Variants in MACROD2 observed in about 807,000 individuals in gnomAD.
MACROD2 encodes the protein mono-ADP ribosylhydrolase 2.
In MACROD2, 36 loss-of-function variants were observed where a neutral mutation model predicts 70.4. That is an observed-to-expected ratio of 0.51 (90% CI 0.39 to 0.68). MACROD2 has a LOEUF of 0.68. Ranked by LOEUF, MACROD2 falls within the 30% of genes least tolerant of loss-of-function variation. The pLI is 0.00. For synonymous variants in MACROD2, 172 were observed against 178.8 expected (o/e 0.96, Z 0.30); for missense variants, 496 against 538.4 (o/e 0.92, Z 0.78).
chr20:14,752,696 A>G (rs931368917), intron 5 of MACROD2, among the ~76,000 whole-genome samples: 8 of 152,068 alleles, frequency 5.3e-5, no homozygotes, highest in African/African-American at 7.3e-5. Flanking sequence ...TGACAGACCT[A>G]TATGCATTTT....
intron 8 of MACROD2, among the ~76,000 whole-genome samples, chr20:15,673,867 T>G (rs1400188812): frequency 6.6e-6 from 1 of 152,122 alleles, no homozygotes; most frequent in Non-Finnish European, 1.5e-5. Flanking sequence ...GTTCCACGTC[T>G]GCCCTGTCCA....
At chr20:14,005,486 A>G (rs759640277) in intron 2 of MACROD2, among the ~76,000 whole-genome samples, 2 of 152,004 alleles carry the variant, frequency 1.3e-5, no homozygotes, top group African/African-American at 4.8e-5. Flanking sequence ...TGTCTCTCCT[A>G]TTGTACTGTC....
Position 14,071,486 on chromosome 20 carries a change from T to A in MACROD2, c.164-14135T>A, listed in dbSNP as rs569079237. Among the ~76,000 whole-genome samples the A allele has an allele frequency of 2.4e-3, 358 of 152,086 alleles. 2 individuals are homozygous for A. The highest frequency in any genetic ancestry group is 6.8e-3 in the Middle Eastern group (2 of 294). On this transcript the variant is annotated intron_variant, in intron 2 of 17. Coordinates refer to ENST00000684519, the MANE Select transcript of MACROD2 (RefSeq NM_001351661.2). ...CATGTTAGCCAGGATGGTCTCCGTT[T>A]CCTGACCTCGTGATCCACCTACCTC...
chr20:14,119,420 TCAGCCTCC>T (rs1285736064), intron 3 of MACROD2, among the ~76,000 whole-genome samples: 1 of 152,116 alleles, frequency 6.6e-6, no homozygotes, highest in Non-Finnish European at 1.5e-5. Flanking sequence ...TCCACCTACC[TCAGCCTCC>T]CAAAGTGCTG....
chr20:15,541,925 A>T (rs2047962228), intron 8 of MACROD2, among the ~76,000 whole-genome samples: 1 of 152,196 alleles, frequency 6.6e-6, no homozygotes, highest in East Asian at 1.9e-4. Flanking sequence ...TAAGAAGCAC[A>T]AATGATGCCA....
intron 5 of MACROD2, among the ~76,000 whole-genome samples, chr20:14,858,800 AC>A (rs1476136520): frequency 6.6e-6 from 1 of 152,124 alleles, no homozygotes; most frequent in African/African-American, 2.4e-5. Context: ...ATGTTTTCAA[AC>A]CTGTGTGAGC....
At chr20:15,474,406 G>A (rs574527190) in intron 7 of MACROD2, among the ~76,000 whole-genome samples, 10 of 152,268 alleles carry the variant, frequency 6.6e-5, no homozygotes, top group South Asian at 2.1e-4. Context: ...ACATCTGAGC[G>A]GGGATAGTGT....
chr20:14,522,116 C>T lies in MACROD2; in HGVS notation c.301+28608C>T, dbSNP rs757753243. Among the ~76,000 whole-genome samples, 7 of 152,278 alleles carry T rather than the reference C, an allele frequency of 4.6e-5. 1 individual carries two copies. Among genetic ancestry groups the T allele is most frequent in the Admixed American group, 1.3e-4 (2 of 15,296 alleles). On this transcript the variant is annotated intron_variant, in intron 4 of 17. Transcript: ENST00000684519. ...CTGAGTTCTAATCCGAGCAGCTCTTCTTCTGTCTGGTTTACATATTCATCT... is the reference window on the plus strand; with the variant it reads ...CTGAGTTCTAATCCGAGCAGCTCTTTTTCTGTCTGGTTTACATATTCATCT...
intron 8 of MACROD2, among the ~76,000 whole-genome samples, chr20:15,792,748 C>T (rs1285842212): frequency 6.6e-6 from 1 of 152,150 alleles, no homozygotes; most frequent in East Asian, 1.9e-4. Context: ...CTTTGTCAGA[C>T]ATTTAGGTCA....
chr20:14,258,683 T>G (rs1352499521), intron 3 of MACROD2, among the ~76,000 whole-genome samples: 1 of 152,206 alleles, frequency 6.6e-6, no homozygotes, highest in Admixed American at 6.5e-5. Context: ...CTGCTAATTG[T>G]TTCTTTTGCT....
intron 3 of MACROD2, among the ~76,000 whole-genome samples, chr20:14,487,285 C>G (rs972213037): frequency 1.3e-5 from 2 of 152,152 alleles, no homozygotes; most frequent in Non-Finnish European, 2.9e-5. Flanking sequence ...TTTTACTCCT[C>G]TCAGCAAACC....
rs1568840094 is a variant in MACROD2, at chr20:14,862,380, T to TAA, written c.418+177422_418+177423insAA. ...ATATATAAATATATATAAATATATA[T>TAA]ATAAATATATATAAATATATATATA... On this transcript the variant is annotated intron_variant, in intron 5 of 17. Transcript: ENST00000684519. Among the ~76,000 whole-genome samples, 2 of 15,086 alleles carry TAA rather than the reference T, an allele frequency of 1.3e-4. 1 individual carries two copies. Among genetic ancestry groups the TAA allele is most frequent in the Non-Finnish European group, 1.9e-4 (2 of 10,640 alleles). 9.9% of individuals were successfully genotyped at this position (15,086 alleles called of 152,430 possible).
intron 4 of MACROD2, among the ~76,000 whole-genome samples, chr20:14,555,317 A>C (rs183462463): frequency 1.8e-4 from 28 of 152,214 alleles, no homozygotes; most frequent in African/African-American, 6.7e-4. Flanking sequence ...AGTAGAATAT[A>C]TTCTTTTAAA....
intron 2 of MACROD2, among the ~76,000 whole-genome samples, chr20:14,048,268 A>G (rs1208621785): frequency 6.6e-6 from 1 of 152,190 alleles, no homozygotes; most frequent in Non-Finnish European, 1.5e-5. Context: ...CAGGGAAGAA[A>G]TGTAACAATA....
At chr20:14,245,969 A>G (rs1568518160) in intron 3 of MACROD2, among the ~76,000 whole-genome samples, 1 of 152,194 alleles carries the variant, frequency 6.6e-6, no homozygotes, top group Non-Finnish European at 1.5e-5. Context: ...GTATTGTTTT[A>G]TCTCAGGCTA....
At chr20:14,948,641 G>A (rs2074451852) in intron 5 of MACROD2, among the ~76,000 whole-genome samples, 1 of 152,154 alleles carries the variant, frequency 6.6e-6, no homozygotes, top group African/African-American at 2.4e-5. Flanking sequence ...GGTACTGCAA[G>A]CTCTAAAATA....
intron 4 of MACROD2, among the ~76,000 whole-genome samples, chr20:14,625,951 T>C (rs1188252192): frequency 2.0e-5 from 3 of 152,092 alleles, no homozygotes; most frequent in Non-Finnish European, 4.4e-5. Flanking sequence ...ACCTGCTGAG[T>C]AGCTGGGATT....
intron 5 of MACROD2, among the ~76,000 whole-genome samples, chr20:15,225,516 T>A (rs960611677): frequency 6.6e-6 from 1 of 152,244 alleles, no homozygotes; most frequent in Non-Finnish European, 1.5e-5. Flanking sequence ...CCACTCTTAT[T>A]AACTGCTAGT....
chr20:14,166,348 G>A (rs1304089232), intron 3 of MACROD2, among the ~76,000 whole-genome samples: 1 of 151,946 alleles, frequency 6.6e-6, no homozygotes, highest in Non-Finnish European at 1.5e-5. Flanking sequence ...TGTGTGTTGT[G>A]TGTGTGTGTT....
Sources: allele counts gnomAD v4.1 joint callset (sites outside exome capture counted in the v4.1 genomes callset), GRCh38; gene constraint gnomAD v4.1.1; transcripts MANE v1.5; gene names NCBI Gene and HGNC (gene_info 2026-07-23, HGNC 2026-07-21).